Variants in FSD2 observed in about 807,000 individuals in gnomAD.
FSD2 encodes the protein fibronectin type III and SPRY domain-containing protein 2.
FSD2 carries 71 observed loss-of-function variants against 80.4 expected under a neutral mutation model. The observed-to-expected ratio is 0.88, with a 90% CI of 0.73 to 1.08. The LOEUF (loss-of-function observed/expected upper bound fraction) is 1.08, where lower values mean the gene tolerates loss of function less well. Ranked by LOEUF, FSD2 falls within the 50% of genes least tolerant of loss-of-function variation. The probability of loss-of-function intolerance (pLI) is 0.00; values close to 1 mark genes in which losing one functional copy is unlikely to be tolerated. For missense variants in FSD2, 923 were observed against 913.8 expected, an observed-to-expected ratio of 1.01 and a Z score of -0.13; for synonymous variants, 361 against 329.5, an observed-to-expected ratio of 1.10 and a Z score of -1.03.
At chr15:82,786,437 C>G in intron 3 of FSD2, 74 bp downstream of exon 3, 1 of 1,131,114 alleles carries the variant, frequency 8.8e-7, no homozygotes, top group South Asian at 1.3e-5. Flanking sequence ...CTAGCTCATA[C>G]CAGAAACAGC....
chr15:82,759,617 A>G lies in FSD2; in HGVS notation c.1998-17T>C. The stretch of plus-strand genomic sequence containing the variant: ...TACTTATGCCTGAAAATTAAATTTG[A>G]CATAATAAAGTTTCAGTAATTCTAT... On this transcript the variant is annotated splice_polypyrimidine_tract_variant and intron_variant, in intron 12 of 12. Transcript: ENST00000334574. 6.5e-7 allele frequency: 1 copy of G among 1,533,220 alleles called. No homozygotes were observed. The highest frequency in any genetic ancestry group is 1.2e-5 in the South Asian group (1 of 80,708). The allele number at this position is 1,533,220 out of a possible 1,614,324, so 95.0% of individuals were successfully genotyped here. A position where few individuals can be genotyped will look rare whatever the true frequency, so the allele number is the denominator to read the frequency against.
intron 6 of FSD2, 144 bp downstream of exon 6, chr15:82,778,622 A>T: frequency 1.1e-6 from 1 of 903,690 alleles, no homozygotes; most frequent in East Asian, 2.7e-5. Context: ...GCTGTACAAC[A>T]CAGTACCTGT....
At chr15:82,791,239 C>T (rs1291796527) in intron 1 of FSD2, among the ~76,000 whole-genome samples, 1 of 152,124 alleles carries the variant, frequency 6.6e-6, no homozygotes, top group East Asian at 1.9e-4. Flanking sequence ...ACCTTGTGGT[C>T]CGCCCGTCTC....
Position 82,786,806 on chromosome 15 carries a change from A to G in FSD2, c.585T>C (p.Asp195=). 3 of 1,614,014 alleles carry G rather than the reference A, an allele frequency of 1.9e-6. No individual in the cohort carries two copies. Among genetic ancestry groups the G allele is most frequent in the Non-Finnish European group, 2.5e-6 (3 of 1,179,886 alleles). The change falls in exon 2 of 13, where the codon GAT becomes GAC. Residue 195 remains aspartate (D), a synonymous_variant. Transcript: ENST00000334574. ...GGATCACTTCATGCTCCTTATGTTC[A>G]TCAAAAACCTTCTGAAAAGCTCTTA... The part of the protein sequence containing the change: ...TPIRAFQKVF[D]EHKEHEVIPL...
Position 82,759,082 on chromosome 15 carries a change from C to G in FSD2, c.*266G>C. On this transcript the variant is annotated 3_prime_UTR_variant, in exon 13 of 13. Transcript: ENST00000334574. ...CATATACACGAATATAGTTTGACAG[C>G]TTCAAAGACTTTTGAGTTCGTTTAG... The G allele has an allele frequency of 2.4e-6, 1 of 418,358 alleles. No individual in the cohort carries two copies. Among genetic ancestry groups the G allele is most frequent in the Non-Finnish European group, 4.3e-6 (1 of 231,304 alleles). The allele number at this position is 418,358 out of a possible 1,614,324, so 25.9% of individuals were successfully genotyped here.
intron 3 of FSD2, among the ~76,000 whole-genome samples, chr15:82,783,290 G>T (rs891041364): frequency 1.3e-5 from 2 of 151,978 alleles, no homozygotes; most frequent in African/African-American, 4.8e-5. Context: ...GTAGAGATGG[G>T]GTTTCATCAT....
intron 10 of FSD2, 26 bp downstream of exon 10, chr15:82,765,872 G>A: frequency 5.0e-6 from 8 of 1,585,860 alleles, no homozygotes; most frequent in Non-Finnish European, 6.9e-6. Flanking sequence ...TTGGGTCCCA[G>A]AGACTTTGTG....
chr15:82,777,793 G>C (rs2049747292), intron 6 of FSD2, among the ~76,000 whole-genome samples: 1 of 150,720 alleles, frequency 6.6e-6, no homozygotes, highest in Non-Finnish European at 1.5e-5. Flanking sequence ...GTTTCAGTGA[G>C]CCAAGATCGT....
At chr15:82,789,083 AATT>A (rs1596255343) in intron 1 of FSD2, among the ~76,000 whole-genome samples, 1 of 152,136 alleles carries the variant, frequency 6.6e-6, no homozygotes, top group African/African-American at 2.4e-5. Flanking sequence ...CAAGGAAAAA[AATT>A]ATTTTATGTA....
rs1291656943 is a variant in FSD2 at position 82,778,116 on chromosome 15, C to A, written c.1111+650G>T. Reference sequence around the variant, plus strand: ...CAATACCCTGTCTCTGAAAAAAAAACACAAAAAAACCATATATATATATAT... The same window carrying A: ...CAATACCCTGTCTCTGAAAAAAAAAAACAAAAAAACCATATATATATATAT... On this transcript the variant is annotated intron_variant, in intron 6 of 12. Coordinates refer to ENST00000334574, the MANE Select transcript of FSD2 (RefSeq NM_001007122.4). Among the ~76,000 whole-genome samples, 29 of 71,016 alleles carry A rather than the reference C, an allele frequency of 4.1e-4. 1 individual carries two copies. Among genetic ancestry groups the A allele is most frequent in the Admixed American group, 9.5e-4 (5 of 5,256 alleles). 46.6% of individuals were successfully genotyped at this position (71,016 alleles called of 152,430 possible). A position where few individuals can be genotyped will look rare whatever the true frequency, so the allele number is the denominator to read the frequency against.
At chr15:82,801,006 A>G (rs1044434935) in intron 1 of FSD2, among the ~76,000 whole-genome samples, 1 of 152,136 alleles carries the variant, frequency 6.6e-6, no homozygotes, top group Non-Finnish European at 1.5e-5. Flanking sequence ...ACCTGCCCCA[A>G]TGTAACCCTT....
chr15:82,787,606 T>G (rs1160518539), intron 1 of FSD2, 138 bp from the exon 2 acceptor site: 1 of 408,366 alleles, frequency 2.4e-6, no homozygotes, highest in Non-Finnish European at 4.2e-6. Context: ...TTGAACCATC[T>G]TTAAAAAATT....
intron 3 of FSD2, among the ~76,000 whole-genome samples, chr15:82,785,356 G>T (rs759645500): frequency 6.6e-6 from 1 of 151,000 alleles, no homozygotes; most frequent in Non-Finnish European, 1.5e-5. Context: ...ATGGAGTCTC[G>T]CTGTGTTGCC....
At position 82,756,502 on chromosome 15, in the gene FSD2, T is replaced by G. The variant is rs1316020999; in HGVS notation, c.*2846A>C. The stretch of plus-strand genomic sequence containing the variant: ...ATGTATACAAAGTGATTGTGTGTCA[T>G]TTGAACCAGCAGGAAGTAATTTATT... On this transcript the variant is annotated 3_prime_UTR_variant, in exon 13 of 13. Transcript: ENST00000334574. 1 of 152,256 alleles carries G rather than the reference T, an allele frequency of 6.6e-6. No individual in the cohort carries two copies. The highest frequency in any genetic ancestry group is 1.9e-4 in the East Asian group (1 of 5,202). The allele number at this position is 152,256 out of a possible 1,614,324, so 9.4% of individuals were successfully genotyped here. A position where few individuals can be genotyped will look rare whatever the true frequency, so the allele number is the denominator to read the frequency against.
chr15:82,785,027 C>T lies in FSD2; in HGVS notation c.735+1484G>A, dbSNP rs181992916. Reference sequence around the variant, plus strand: ...AAAACGGGATGGGTATCCTGTAATACCTTGTCAAGGCTGAACCGTGAAAGA... The same window carrying T: ...AAAACGGGATGGGTATCCTGTAATATCTTGTCAAGGCTGAACCGTGAAAGA... On this transcript the variant is annotated intron_variant, in intron 3 of 12. Coordinates refer to ENST00000334574, the MANE Select transcript of FSD2 (RefSeq NM_001007122.4). 1.9e-3 allele frequency among the ~76,000 whole-genome samples: 288 copies of T among 152,246 alleles called. 1 individual carries two copies. Among genetic ancestry groups the T allele is most frequent in the African/African-American group, 6.6e-3 (276 of 41,544 alleles).
chr15:82,767,051 A>G (rs2049440161), intron 9 of FSD2, among the ~76,000 whole-genome samples: 2 of 152,196 alleles, frequency 1.3e-5, no homozygotes, highest in South Asian at 4.1e-4. Flanking sequence ...CCAGAGGGGC[A>G]CTTTTACTTA....
intron 6 of FSD2, among the ~76,000 whole-genome samples, chr15:82,775,638 A>G (rs1202156231): frequency 6.6e-6 from 1 of 152,116 alleles, no homozygotes; most frequent in Non-Finnish European, 1.5e-5. Flanking sequence ...GACATTTTTT[A>G]TAATGTTTGC....
intron 11 of FSD2, among the ~76,000 whole-genome samples, chr15:82,764,397 C>A (rs770940500): frequency 6.6e-6 from 1 of 151,964 alleles, no homozygotes; most frequent in African/African-American, 2.4e-5. Flanking sequence ...TTCTGTAACC[C>A]GGCCCTTAAG....
rs2049188050 is a variant in FSD2 at position 82,756,892 on chromosome 15, GT to G, written c.*2455del. The G allele has an allele frequency of 6.6e-6, 1 of 152,042 alleles. No individual in the cohort carries two copies. The highest frequency in any genetic ancestry group is 1.5e-5 in the Non-Finnish European group (1 of 67,970). The allele number at this position is 152,042 out of a possible 1,614,324, so 9.4% of individuals were successfully genotyped here. Reference sequence around the variant, plus strand: ...TTTTAAAAACTCTTTTTTTTGCTTTGTTTTTTAACAGACTTATCAGCAGGTT... The same window carrying G: ...TTTTAAAAACTCTTTTTTTTGCTTTGTTTTTAACAGACTTATCAGCAGGTT... On this transcript the variant is annotated 3_prime_UTR_variant, in exon 13 of 13. Transcript: ENST00000334574.
Sources: gnomAD v4.1 joint callset for allele counts (sites outside exome capture counted in the v4.1 genomes callset) on GRCh38, gnomAD v4.1.1 for gene constraint, MANE v1.5 for transcripts, NCBI Gene and HGNC (gene_info 2026-07-23, HGNC 2026-07-21) for gene names.